HFM1: variants seen among roughly 807,000 people sequenced by gnomAD.
The protein encoded by HFM1 is probable ATP-dependent DNA helicase HFM1.
Under a neutral mutation model 192.1 loss-of-function variants are expected in HFM1, and 169 were observed. That is an observed-to-expected ratio of 0.88 (90% confidence interval 0.78 to 1.00). The LOEUF (loss-of-function observed/expected upper bound fraction) is 1.00, where lower values mean the gene tolerates loss of function less well. HFM1 is among the 50% of genes least tolerant of loss of function. The probability of loss-of-function intolerance (pLI) is 0.00; values close to 1 mark genes in which losing one functional copy is unlikely to be tolerated. For missense variants in HFM1, 1,661 were observed against 1,668.0 expected, an observed-to-expected ratio of 1.00 and a Z score of 0.07; for synonymous variants, 525 against 537.8, an observed-to-expected ratio of 0.98 and a Z score of 0.33.
intron 18 of HFM1, among the ~76,000 whole-genome samples, chr1:91,347,942 C>T (rs1187220005): frequency 6.6e-6 from 1 of 152,066 alleles, no homozygotes; most frequent in East Asian, 1.9e-4. Context: ...TTAATAATTT[C>T]CTTTCATCAA....
chr1:91,270,295 T>A (rs530056775), intron 34 of HFM1, among the ~76,000 whole-genome samples: 3 of 152,212 alleles, frequency 2.0e-5, no homozygotes, highest in South Asian at 2.1e-4. Context: ...GAAGGACACT[T>A]TAGCAGCTTA....
chr1:91,359,399 G>A (rs1658198212), intron 13 of HFM1, among the ~76,000 whole-genome samples: 1 of 152,170 alleles, frequency 6.6e-6, no homozygotes, highest in Non-Finnish European at 1.5e-5. Flanking sequence ...AGCCAGTTTA[G>A]AGAGGAACAT....
chr1:91,373,135 CT>C (rs1200005792), intron 13 of HFM1, among the ~76,000 whole-genome samples: 1 of 75,172 alleles, frequency 1.3e-5, no homozygotes, highest in Non-Finnish European at 2.6e-5. Context: ...TATAGTCTAC[CT>C]TTTTAGTGGA....
intron 20 of HFM1, among the ~76,000 whole-genome samples, chr1:91,341,267 A>G (rs1213327968): frequency 5.3e-5 from 8 of 152,200 alleles, no homozygotes; most frequent in African/African-American, 1.9e-4. Flanking sequence ...AAAAACAGAA[A>G]TCAATACTAA....
chr1:91,312,079 A>G (rs1206240211), intron 30 of HFM1, among the ~76,000 whole-genome samples: 1 of 152,194 alleles, frequency 6.6e-6, no homozygotes, highest in Non-Finnish European at 1.5e-5. Flanking sequence ...CAGAAGATGT[A>G]TGGAAATGCC....
At chr1:91,406,250 G>T (rs1664806980), upstream of HFM1, among the ~76,000 whole-genome samples, 1 of 152,208 alleles carries the variant, frequency 6.6e-6, no homozygotes, top group Non-Finnish European at 1.5e-5. Flanking sequence ...ACAAATGTTT[G>T]TTGTTTAAGC....
intron 30 of HFM1, among the ~76,000 whole-genome samples, chr1:91,304,970 C>G (rs1176362252): frequency 6.6e-6 from 1 of 152,122 alleles, no homozygotes; most frequent in African/African-American, 2.4e-5. Context: ...CAAAAATAAA[C>G]TGGCAGAGAG....
intron 13 of HFM1, among the ~76,000 whole-genome samples, chr1:91,373,806 C>T (rs942998629): frequency 4.6e-5 from 7 of 151,978 alleles, no homozygotes; most frequent in Non-Finnish European, 8.8e-5. Context: ...TTAAACCTCC[C>T]TTCTTTATAA....
At chr1:91,289,950 A>T (rs1337879574) in intron 30 of HFM1, among the ~76,000 whole-genome samples, 1 of 152,176 alleles carries the variant, frequency 6.6e-6, no homozygotes, top group Non-Finnish European at 1.5e-5. Flanking sequence ...AGCCAAACTA[A>T]GCTTCATAAG....
intron 13 of HFM1, among the ~76,000 whole-genome samples, chr1:91,363,690 T>C (rs1018660579): frequency 6.6e-6 from 1 of 152,198 alleles, no homozygotes; most frequent in South Asian, 2.1e-4. Context: ...ACTGGGTATA[T>C]ACCCAAAGGA....
At chr1:91,320,473 TGG>T (rs1179773595) in intron 23 of HFM1, among the ~76,000 whole-genome samples, 1 of 152,202 alleles carries the variant, frequency 6.6e-6, no homozygotes, top group Non-Finnish European at 1.5e-5. Flanking sequence ...TTTTAAATGC[TGG>T]GTAAATAAAA....
chr1:91,290,753 T>C (rs1668652184), intron 30 of HFM1, among the ~76,000 whole-genome samples: 1 of 152,088 alleles, frequency 6.6e-6, no homozygotes, highest in Admixed American at 6.5e-5. Context: ...TATACATTTT[T>C]TTCAGCACCA....
chr1:91,353,652 CAA>C (rs1553213572), intron 13 of HFM1, among the ~76,000 whole-genome samples: 5,400 of 65,384 alleles, frequency 0.083, 260 homozygotes, highest in East Asian at 0.29. Context: ...AGTAAATAAG[CAA>C]AAAAAAAAAA....
At chr1:91,282,806 A>C (rs990586948) in intron 30 of HFM1, among the ~76,000 whole-genome samples, 16 of 152,214 alleles carry the variant, frequency 1.1e-4, no homozygotes, top group African/African-American at 3.9e-4. Context: ...GCTGTTTTAA[A>C]ATGAAGAATA....
chr1:91,315,572 T>A (rs946679210), intron 28 of HFM1, among the ~76,000 whole-genome samples: 2 of 152,176 alleles, frequency 1.3e-5, no homozygotes, highest in Non-Finnish European at 2.9e-5. Context: ...ACTCACTTGT[T>A]TCAGATCATG....
At chr1:91,360,304 T>C (rs1658323718) in intron 13 of HFM1, among the ~76,000 whole-genome samples, 1 of 151,958 alleles carries the variant, frequency 6.6e-6, no homozygotes, top group Non-Finnish European at 1.5e-5. Context: ...AAGAGACCCA[T>C]CTCAGATGCA....
chr1:91,287,861 A>G (rs1171353177), intron 30 of HFM1, among the ~76,000 whole-genome samples: 1 of 152,202 alleles, frequency 6.6e-6, no homozygotes, highest in Non-Finnish European at 1.5e-5. Context: ...AACTACGTGA[A>G]GAATGCAGAA....
chr1:91,392,916 T>C (rs1663192320), intron 4 of HFM1, among the ~76,000 whole-genome samples: 1 of 152,068 alleles, frequency 6.6e-6, no homozygotes, highest in African/African-American at 2.4e-5. Context: ...CCAGGTGCTG[T>C]GGAAAGGGAG....
intron 30 of HFM1, among the ~76,000 whole-genome samples, chr1:91,294,295 A>T (rs1669145952): frequency 6.6e-6 from 1 of 152,226 alleles, no homozygotes; most frequent in South Asian, 2.1e-4. Context: ...TAGACCATCA[A>T]TGTATGTTTT....
Sources: allele counts gnomAD v4.1 joint callset (sites outside exome capture counted in the v4.1 genomes callset), GRCh38; gene constraint gnomAD v4.1.1; transcripts MANE v1.5; gene names NCBI Gene and HGNC (gene_info 2026-07-23, HGNC 2026-07-21).